UBR3: variants seen among roughly 807,000 people sequenced by gnomAD.
UBR3 encodes the protein ubiquitin protein ligase E3 component n-recognin 3.
A neutral mutation model predicts 243.2 loss-of-function variants in UBR3; 85 were observed. The ratio of observed to expected loss-of-function variants is 0.35; its 90% CI spans 0.29 to 0.42. The LOEUF is 0.42. UBR3 is among the 10% of genes least tolerant of loss of function. The pLI is 1.00. For synonymous variants in UBR3, 748 were observed against 799.8 expected (o/e 0.94, Z 1.09); for missense variants, 1,686 against 2,300.8 (o/e 0.73, Z 5.47).
At chr2:169,938,876 T>C (rs1166990540) in intron 19 of UBR3, among the ~76,000 whole-genome samples, 1 of 152,200 alleles carries the variant, frequency 6.6e-6, no homozygotes, top group African/African-American at 2.4e-5. Context: ...TTCTTATTCA[T>C]GTGGTGTTCC....
chr2:169,866,150 CAAAAAAAAAAAAAAAA>C (rs578054467), intron 1 of UBR3, among the ~76,000 whole-genome samples: 8 of 53,378 alleles, frequency 1.5e-4, no homozygotes, highest in Non-Finnish European at 2.3e-4. Context: ...GACTGTGTCT[CAAAAAAAAAAAAAAAA>C]AAAAAAAAAA....
At chr2:169,876,718 C>T (rs776362936) in intron 3 of UBR3, among the ~76,000 whole-genome samples, 1 of 152,012 alleles carries the variant, frequency 6.6e-6, no homozygotes, top group Non-Finnish European at 1.5e-5. Context: ...CCATCATGCC[C>T]AGCTAATTTT....
chr2:169,863,487 A>C lies in UBR3; in HGVS notation c.546-8749A>C, dbSNP rs1247157120. Among the ~76,000 whole-genome samples, 5 of 152,156 alleles carry C rather than the reference A, an allele frequency of 3.3e-5. 1 individual carries two copies. The highest frequency in any genetic ancestry group is 1.2e-4 in the African/African-American group (5 of 41,432). ...TATTATTGCTGTAACATCCTTCCCC[A>C]CTAAGGACTATTTAACCTTCTTAAT... On this transcript the variant is annotated intron_variant, in intron 1 of 38. Coordinates refer to ENST00000272793, the MANE Select transcript of UBR3 (RefSeq NM_172070.4).
chr2:169,974,760 G>T, intron 24 of UBR3, among the ~76,000 whole-genome samples: 1 of 152,006 alleles, frequency 6.6e-6, no homozygotes. Flanking sequence ...TTGTTTATTT[G>T]AAATCTTTCT....
At chr2:170,064,389 CCTA>C (rs1405474018) in intron 35 of UBR3, among the ~76,000 whole-genome samples, 3 of 152,090 alleles carry the variant, frequency 2.0e-5, no homozygotes, top group South Asian at 2.1e-4. Context: ...AATATACACA[CCTA>C]CTATGTACCC....
intron 20 of UBR3, among the ~76,000 whole-genome samples, chr2:169,945,429 G>C (rs1248032331): frequency 6.6e-6 from 1 of 152,050 alleles, no homozygotes; most frequent in African/African-American, 2.4e-5. Flanking sequence ...TGGTAGGTTA[G>C]GTCTTAAGCA....
chr2:169,990,215 A>G (rs949501908), intron 25 of UBR3, among the ~76,000 whole-genome samples: 1 of 152,136 alleles, frequency 6.6e-6, no homozygotes, highest in African/African-American at 2.4e-5. Context: ...TTTGATTAGG[A>G]ACCCTTCAAA....
chr2:169,871,510 G>A lies in UBR3; in HGVS notation c.546-726G>A, dbSNP rs138289363. ...GCCAGGCACAGTGGCTCACGGGGCC[G>A]AGGCGGGCGGAGCACCTGAGGTCAG... On this transcript the variant is annotated intron_variant, in intron 1 of 38. Coordinates refer to ENST00000272793, the MANE Select transcript of UBR3 (RefSeq NM_172070.4). Among the ~76,000 whole-genome samples the A allele has an allele frequency of 4.5e-3, 689 of 151,766 alleles. 6 individuals are homozygous for A. The highest frequency in any genetic ancestry group is 0.016 in the African/African-American group (647 of 41,452).
At chr2:169,890,563 A>ATATATATATATATATATGTGTGTG (rs1255881148) in intron 5 of UBR3, among the ~76,000 whole-genome samples, 5 of 83,880 alleles carry the variant, frequency 6.0e-5, no homozygotes, top group African/African-American at 2.0e-4. Context: ...ATATATATAT[A>ATATATATATATATATATGTGTGTG]TGTGTATATA....
intron 25 of UBR3, 93 bp from the exon 26 acceptor site, chr2:169,994,230 A>C: frequency 7.1e-7 from 1 of 1,407,818 alleles, no homozygotes. Context: ...AAATAATTTG[A>C]GTTGCTTGTG....
chr2:170,072,983 C>T (rs1023504339), intron 35 of UBR3, among the ~76,000 whole-genome samples: 14 of 152,114 alleles, frequency 9.2e-5, no homozygotes, highest in Non-Finnish European at 1.8e-4. Context: ...TTGTTTCACA[C>T]TCATTCAAAG....
chr2:169,928,926 T>A (rs1238721248), intron 18 of UBR3, 58 bp downstream of exon 18: 1 of 1,270,242 alleles, frequency 7.9e-7, no homozygotes, highest in Non-Finnish European at 1.0e-6. Context: ...TGGTGAATTC[T>A]TCTGTGTATT....
intron 23 of UBR3, among the ~76,000 whole-genome samples, chr2:169,951,522 T>C (rs1422569506): frequency 6.6e-6 from 1 of 152,168 alleles, no homozygotes; most frequent in Non-Finnish European, 1.5e-5. Flanking sequence ...AGTGTTAACA[T>C]AGTGTAACAG....
In UBR3 at chr2:169,964,330, T is replaced by C. The variant is rs1026151263; in HGVS notation, c.3634+5804T>C. On this transcript the variant is annotated intron_variant, in intron 24 of 38. Coordinates refer to ENST00000272793, the MANE Select transcript of UBR3 (RefSeq NM_172070.4). ...TCAGTATGTTTGCAATTTTAAGAAC[T>C]AAGAGAAAAGCTTAATTAATACTTT... 2.7e-5 allele frequency: 12 copies of C among 443,464 alleles called. No individual in the cohort carries two copies. The Admixed American group carries it at 3.1e-4, about 12-fold the overall frequency. 27.5% of individuals were successfully genotyped at this position (443,464 alleles called of 1,614,324 possible).
chr2:169,997,620 C>T lies in UBR3; in HGVS notation c.3918+3164C>T, dbSNP rs1178901895. Among the ~76,000 whole-genome samples the T allele has an allele frequency of 5.9e-5, 9 of 152,038 alleles. No homozygotes were observed. The South Asian group carries it at 8.3e-4, about 14-fold the overall frequency. The stretch of plus-strand genomic sequence containing the variant: ...CATGTTACAGCCCTTTTTGCTCCTG[C>T]CATTTGGTGGGTAGGTTCTTGTCCC... On this transcript the variant is annotated intron_variant, in intron 26 of 38. Coordinates refer to ENST00000272793, the MANE Select transcript of UBR3 (RefSeq NM_172070.4).
At chr2:169,916,163 A>G (rs1188485499) in intron 11 of UBR3, among the ~76,000 whole-genome samples, 1 of 152,140 alleles carries the variant, frequency 6.6e-6, no homozygotes, top group Non-Finnish European at 1.5e-5. Flanking sequence ...ACATAAGTAC[A>G]TATACATATT....
At chr2:170,073,291 C>A (rs2091738621) in intron 35 of UBR3, 137 bp from the exon 36 acceptor site, 2 of 880,406 alleles carry the variant, frequency 2.3e-6, no homozygotes, top group South Asian at 1.6e-5. Flanking sequence ...TTCTCTTACT[C>A]CCTTCACTTT....
At chr2:170,070,529 G>A (rs1172414909) in intron 35 of UBR3, among the ~76,000 whole-genome samples, 3 of 152,096 alleles carry the variant, frequency 2.0e-5, no homozygotes, top group Non-Finnish European at 4.4e-5. Flanking sequence ...AGATTGGAAA[G>A]GAAGAGGTAA....
In UBR3 at chr2:169,896,774, G is replaced by A. The variant is rs1559070855; in HGVS notation, c.1465+39G>A. On this transcript the variant is annotated intron_variant, in intron 8 of 38. Transcript: ENST00000272793. ...ATATTCACTAGTTCTATTATTATCA[G>A]TATTATTATTCTAGTATTATTAGTG... The A allele has an allele frequency of 3.6e-6, 5 of 1,396,114 alleles. No homozygotes were observed. The South Asian group carries it at 6.9e-5, about 19-fold the overall frequency. 86.5% of individuals were successfully genotyped at this position (1,396,114 alleles called of 1,614,324 possible).
Sources: gnomAD v4.1 joint callset for allele counts (sites outside exome capture counted in the v4.1 genomes callset) on GRCh38, gnomAD v4.1.1 for gene constraint, MANE v1.5 for transcripts, NCBI Gene and HGNC (gene_info 2026-07-23, HGNC 2026-07-21) for gene names.